DISC1: variants seen among roughly 807,000 people sequenced by gnomAD.
DISC1 encodes disrupted in schizophrenia 1 protein.
In DISC1, 57 loss-of-function variants were observed where a neutral mutation model predicts 84.5. That is an observed-to-expected ratio of 0.67 (90% CI 0.55 to 0.84). DISC1 has a LOEUF of 0.84. Among genes scored for constraint, DISC1 ranks in the 40% least tolerant of loss-of-function variants. The probability of loss-of-function intolerance (pLI) is 0.00; values close to 1 mark genes in which losing one functional copy is unlikely to be tolerated. For missense variants in DISC1, 1,000 were observed against 1,057.8 expected (o/e 0.95, Z 0.76); for synonymous variants, 411 against 415.2 (o/e 0.99, Z 0.12).
chr1:232,020,343 A>C (rs535304626), intron 11 of DISC1, among the ~76,000 whole-genome samples: 3 of 152,192 alleles, frequency 2.0e-5, no homozygotes, highest in African/African-American at 7.2e-5. Context: ...ACTGTCTCAA[A>C]AAATAAATAA....
intron 9 of DISC1, among the ~76,000 whole-genome samples, chr1:231,839,989 A>G (rs2082917390): frequency 6.6e-6 from 1 of 152,188 alleles, no homozygotes; most frequent in African/African-American, 2.4e-5. Flanking sequence ...GAGGAATCAC[A>G]TTTCAACATG....
chr1:232,004,542 T>A (rs1667097154), intron 10 of DISC1, among the ~76,000 whole-genome samples: 1 of 151,702 alleles, frequency 6.6e-6, no homozygotes, highest in Non-Finnish European at 1.5e-5. Flanking sequence ...AATGTAAAAG[T>A]TAAAGATACT....
chr1:231,819,607 C>T lies in DISC1; in HGVS notation c.1981+1090C>T, dbSNP rs144515608. On this transcript the variant is annotated intron_variant, in intron 9 of 12. Coordinates refer to ENST00000439617, the MANE Select transcript of DISC1 (RefSeq NM_018662.3). ...CTTAAAGGTCAAGCCTTGTTTTTGC[C>T]GTATATGTAACTAGAGACAGTACGT... Among the ~76,000 whole-genome samples the T allele has an allele frequency of 3.9e-5, 6 of 151,992 alleles. No homozygotes were observed. The South Asian group carries it at 6.2e-4, about 16-fold the overall frequency.
At chr1:231,973,360 C>T (rs1197094561) in intron 10 of DISC1, among the ~76,000 whole-genome samples, 1 of 152,114 alleles carries the variant, frequency 6.6e-6, no homozygotes, top group African/African-American at 2.4e-5. Flanking sequence ...ATGTCTTGTT[C>T]TTTAAAGGAA....
At chr1:231,793,533 C>G (rs2078509670) in intron 6 of DISC1, among the ~76,000 whole-genome samples, 1 of 152,150 alleles carries the variant, frequency 6.6e-6, no homozygotes, top group South Asian at 2.1e-4. Context: ...CTGTTCTTCC[C>G]TCCCCTTTCT....
At chr1:231,988,572 G>A (rs561086318) in intron 10 of DISC1, among the ~76,000 whole-genome samples, 8 of 152,156 alleles carry the variant, frequency 5.3e-5, no homozygotes, top group East Asian at 1.9e-4. Flanking sequence ...TCCTTTCACC[G>A]TGTTAGGATA....
chr1:231,860,944 TG>T lies in DISC1; in HGVS notation c.1981+42429del, dbSNP rs1160388717. Among the ~76,000 whole-genome samples the T allele has an allele frequency of 5.9e-5, 9 of 152,382 alleles. No individual in the cohort carries two copies. The East Asian group carries it at 1.7e-3, about 29-fold the overall frequency. ...TTGGCAGAATTGCAGACTGCATTTT[TG>T]GACCTAGCAGTTGAAGATGATTCTG... On this transcript the variant is annotated intron_variant, in intron 9 of 12. Transcript: ENST00000439617.
At chr1:231,927,925 C>T (rs1184163662) in intron 9 of DISC1, among the ~76,000 whole-genome samples, 1 of 152,206 alleles carries the variant, frequency 6.6e-6, no homozygotes, top group East Asian at 1.9e-4. Context: ...CCCGCCAGGC[C>T]ACTCTGTCTT....
chr1:231,867,541 G>A (rs1474231712), intron 9 of DISC1, among the ~76,000 whole-genome samples: 2 of 152,130 alleles, frequency 1.3e-5, no homozygotes, highest in East Asian at 1.9e-4. Context: ...ATACATAGAT[G>A]CTCTTAATTA....
At chr1:231,739,841 A>G (rs977004921) in intron 3 of DISC1, among the ~76,000 whole-genome samples, 2 of 152,194 alleles carry the variant, frequency 1.3e-5, no homozygotes, top group Non-Finnish European at 2.9e-5. Flanking sequence ...CACATGGACA[A>G]AGATTGCCAA....
Position 231,751,840 on chromosome 1 carries a change from G to A in DISC1, c.1268+1764G>A, listed in dbSNP as rs528309249. Among the ~76,000 whole-genome samples the A allele has an allele frequency of 2.6e-5, 4 of 152,286 alleles. No individual in the cohort carries two copies. In the South Asian group the frequency reaches 8.3e-4, roughly 32 times the overall value. On this transcript the variant is annotated intron_variant, in intron 4 of 12. Coordinates refer to ENST00000439617, the MANE Select transcript of DISC1 (RefSeq NM_018662.3). ...AGGCTGTATAATACTCCATTGTATG[G>A]ATAGACTACAGTTTGCTCATTCATT...
chr1:231,683,570 A>G (rs1037136305), intron 1 of DISC1, among the ~76,000 whole-genome samples: 13 of 149,794 alleles, frequency 8.7e-5, no homozygotes. Context: ...ATTTGCCTGT[A>G]TTCTGTGACC....
At chr1:231,700,563 G>A (rs1327363503) in intron 2 of DISC1, among the ~76,000 whole-genome samples, 1 of 152,120 alleles carries the variant, frequency 6.6e-6, no homozygotes, top group Non-Finnish European at 1.5e-5. Flanking sequence ...TAAGTTTTGG[G>A]GAAGTCAAAA....
intron 6 of DISC1, among the ~76,000 whole-genome samples, chr1:231,788,038 T>C (rs1039862108): frequency 6.6e-6 from 1 of 152,172 alleles, no homozygotes; most frequent in Non-Finnish European, 1.5e-5. Context: ...ATCCCAGCAC[T>C]CTGGAAGGCT....
intron 9 of DISC1, among the ~76,000 whole-genome samples, chr1:231,932,424 A>C (rs2090721511): frequency 6.6e-6 from 1 of 152,150 alleles, no homozygotes; most frequent in Admixed American, 6.5e-5. Context: ...ACACTGCTGG[A>C]CCCTGTATAT....
intron 11 of DISC1, among the ~76,000 whole-genome samples, chr1:232,024,656 G>T (rs927683648): frequency 6.6e-6 from 1 of 151,586 alleles, no homozygotes; most frequent in African/African-American, 2.4e-5. Context: ...GCAGTGGCAT[G>T]ATCTCAGATC....
At chr1:231,981,283 T>C (rs1348923767) in intron 10 of DISC1, among the ~76,000 whole-genome samples, 1 of 152,216 alleles carries the variant, frequency 6.6e-6, no homozygotes, top group East Asian at 1.9e-4. Context: ...ATAAAAAGTT[T>C]CATTGCTGTT....
chr1:231,723,978 T>C (rs1573263818), intron 3 of DISC1: 2 of 985,502 alleles, frequency 2.0e-6, no homozygotes, highest in Non-Finnish European at 2.4e-6. Flanking sequence ...AAACTCACCA[T>C]GACCCTGTAT....
chr1:231,745,855 T>C (rs1278649447), intron 3 of DISC1, among the ~76,000 whole-genome samples: 1 of 152,178 alleles, frequency 6.6e-6, no homozygotes, highest in Admixed American at 6.6e-5. Context: ...GTTTGGGTCA[T>C]GGGGTGGATC....
Sources: allele counts gnomAD v4.1 joint callset (sites outside exome capture counted in the v4.1 genomes callset), GRCh38; gene constraint gnomAD v4.1.1; transcripts MANE v1.5; gene names NCBI Gene and HGNC (gene_info 2026-07-23, HGNC 2026-07-21).